The following DSCAML1 variants were observed in gnomAD, a reference collection of about 807,000 sequenced individuals.
DSCAML1 encodes the protein cell adhesion molecule DSCAML1.
In DSCAML1, 38 loss-of-function variants were observed where a neutral mutation model predicts 200.5. The observed-to-expected ratio is 0.19, with a 90% CI of 0.15 to 0.25. The LOEUF (loss-of-function observed/expected upper bound fraction) is 0.25, where lower values mean the gene tolerates loss of function less well. DSCAML1 is among the 10% of genes least tolerant of loss of function. The pLI is 1.00. For missense variants in DSCAML1, 2,223 were observed against 2,858.8 expected, an observed-to-expected ratio of 0.78 and a Z score of 5.07; for synonymous variants, 1,215 against 1,165.0, an observed-to-expected ratio of 1.04 and a Z score of -0.87.
intron 3 of DSCAML1, among the ~76,000 whole-genome samples, chr11:117,580,943 A>C (rs1294075945): frequency 6.6e-6 from 1 of 152,218 alleles, no homozygotes; most frequent in Non-Finnish European, 1.5e-5. Flanking sequence ...TTAAGCTCTG[A>C]GGATGGGACC....
At position 117,516,840 on chromosome 11, in the gene DSCAML1, C is replaced by A; in HGVS notation, c.1511-101G>T. The A allele has an allele frequency of 1.4e-6, 2 of 1,424,546 alleles. No homozygotes were observed. Among genetic ancestry groups the A allele is most frequent in the East Asian group, 2.4e-5 (1 of 42,298 alleles). 88.2% of individuals were successfully genotyped at this position (1,424,546 alleles called of 1,614,324 possible). Reference sequence around the variant, plus strand: ...CCCTGCGGTGCTCTTCTCAGGCACTCGGCCCCTGAGACTTTCGGGGGCGGA... The same window carrying A: ...CCCTGCGGTGCTCTTCTCAGGCACTAGGCCCCTGAGACTTTCGGGGGCGGA... On this transcript the variant is annotated intron_variant, in intron 7 of 32. Coordinates refer to ENST00000651296, the MANE Select transcript of DSCAML1 (RefSeq NM_020693.4). This position sits in a 1 kb window ranked among gnomAD's most constrained non-coding sequence, Gnocchi z 5.7.
At position 117,477,349 on chromosome 11, in the gene DSCAML1, AGTGTGTGTGTGT is replaced by A. The variant is rs5795087; in HGVS notation, c.2785+3082_2785+3093del. ...GATAGTGCTTTGTAATGGTTCTGAA[AGTGTGTGTGTGT>A]GTGTGTGTGTGTGTGTGTGTGTGTG... On this transcript the variant is annotated intron_variant, in intron 14 of 32. Transcript: ENST00000651296. Among the ~76,000 whole-genome samples, 835 of 140,176 alleles carry A rather than the reference AGTGTGTGTGTGT, an allele frequency of 6.0e-3. 7 individuals carry two copies. Among genetic ancestry groups the A allele is most frequent in the African/African-American group, 0.013 (484 of 37,658 alleles). The allele number at this position is 140,176 out of a possible 152,430, so 92.0% of individuals were successfully genotyped here.
At chr11:117,569,638 C>G (rs536069575) in intron 3 of DSCAML1, among the ~76,000 whole-genome samples, 108 of 152,344 alleles carry the variant, frequency 7.1e-4, no homozygotes, top group African/African-American at 2.3e-3. Context: ...GGTGGTGACA[C>G]TTGAACTGAG....
chr11:117,705,705 C>T (rs2053748074), intron 3 of DSCAML1, among the ~76,000 whole-genome samples: 1 of 152,172 alleles, frequency 6.6e-6, no homozygotes, highest in South Asian at 2.1e-4. Flanking sequence ...AAGATTTTCT[C>T]CTTACTGCCA....
intron 3 of DSCAML1, among the ~76,000 whole-genome samples, chr11:117,535,146 C>T (rs942902162): frequency 6.6e-6 from 1 of 152,182 alleles, no homozygotes; most frequent in Admixed American, 6.5e-5. Context: ...AACACCCAGC[C>T]TCAGCCTGCA....
intron 1 of DSCAML1, among the ~76,000 whole-genome samples, chr11:117,790,206 C>T (rs1000669371): frequency 3.3e-5 from 5 of 152,224 alleles, no homozygotes; most frequent in African/African-American, 1.2e-4. Flanking sequence ...GTGCCTACTG[C>T]TCTTCCCACA....
At chr11:117,694,684 A>T (rs928133503) in intron 3 of DSCAML1, among the ~76,000 whole-genome samples, 1 of 152,222 alleles carries the variant, frequency 6.6e-6, no homozygotes, top group Non-Finnish European at 1.5e-5. Flanking sequence ...ATGGTGTGCT[A>T]AGTGGCACGT....
chr11:117,448,407 C>A (rs1476827479), intron 20 of DSCAML1, among the ~76,000 whole-genome samples: 1 of 152,078 alleles, frequency 6.6e-6, no homozygotes, highest in Admixed American at 6.5e-5. Flanking sequence ...CTCTGGGGAC[C>A]CAAAGATGAA....
In DSCAML1 at chr11:117,465,177, G is replaced by C. The variant is rs766605751; in HGVS notation, c.3030C>G (p.Pro1010=). The change falls in exon 17 of 33, where the codon CCC becomes CCG. Residue 1010 remains proline, a synonymous_variant. Coordinates refer to ENST00000651296, the MANE Select transcript of DSCAML1 (RefSeq NM_020693.4). The stretch of plus-strand genomic sequence containing the variant: ...TGACACCGTTCTGCAGCTCCTTCTT[G>C]GGTGCCTGTGAGCATGGGGTGGGGG... The part of the protein sequence containing the change: ...SQSIQVTWKA[P]KKELQNGVIR... 7 of 1,613,460 alleles carry C rather than the reference G, an allele frequency of 4.3e-6. No homozygotes were observed. The highest frequency in any genetic ancestry group is 4.5e-5 in the East Asian group (2 of 44,874).
intron 4 of DSCAML1, among the ~76,000 whole-genome samples, chr11:117,531,163 G>A (rs7927897): frequency 3.5e-3 from 540 of 152,242 alleles, no homozygotes; most frequent in African/African-American, 0.012. Flanking sequence ...CTCGAGGAGC[G>A]CCTCTCTGTG....
chr11:117,672,114 A>C (rs1272547669), intron 3 of DSCAML1, among the ~76,000 whole-genome samples: 2 of 150,748 alleles, frequency 1.3e-5, no homozygotes, highest in Admixed American at 1.3e-4. Context: ...AAAAAAAAAA[A>C]AAAAAAAAAG....
intron 3 of DSCAML1, among the ~76,000 whole-genome samples, chr11:117,687,565 C>G (rs1055580339): frequency 1.3e-5 from 2 of 151,786 alleles, no homozygotes; most frequent in African/African-American, 4.8e-5. Context: ...CATGACTGGC[C>G]TAATCTGCAT....
chr11:117,431,161 A>T, intron 31 of DSCAML1, 128 bp from the exon 32 acceptor site: 1 of 921,426 alleles, frequency 1.1e-6, no homozygotes, highest in Non-Finnish European at 1.6e-6. Flanking sequence ...CCAGGCTGAG[A>T]AGATCCCGTG....
Position 117,489,852 on chromosome 11 carries a change from G to A in DSCAML1, c.2360-7690C>T, listed in dbSNP as rs1451146622. Among the ~76,000 whole-genome samples, 2 of 152,232 alleles carry A rather than the reference G, an allele frequency of 1.3e-5. No individual in the cohort carries two copies. The highest frequency in any genetic ancestry group is 2.9e-5 in the Non-Finnish European group (2 of 68,040). On this transcript the variant is annotated intron_variant, in intron 11 of 32. Coordinates refer to ENST00000651296, the MANE Select transcript of DSCAML1 (RefSeq NM_020693.4). This position sits in a 1 kb window ranked among gnomAD's most constrained non-coding sequence, Gnocchi z 4.8. Reference sequence around the variant, plus strand: ...TCCTTGCCTCCTTGTGTGTGACTGTGAGACTCTCCAGGGCAGAAGCATCTC... The same window carrying A: ...TCCTTGCCTCCTTGTGTGTGACTGTAAGACTCTCCAGGGCAGAAGCATCTC...
chr11:117,616,497 A>G lies in DSCAML1; in HGVS notation c.512-83975T>C, dbSNP rs57594365. Among the ~76,000 whole-genome samples, 801 of 152,332 alleles carry G rather than the reference A, an allele frequency of 5.3e-3. 4 individuals carry two copies. Among genetic ancestry groups the G allele is most frequent in the African/African-American group, 0.018 (744 of 41,580 alleles). On this transcript the variant is annotated intron_variant, in intron 3 of 32. Transcript: ENST00000651296. ...TGAATATAGCACAGTGTGTTTTTCT[A>G]CTGCTGGTGGACACTTGAGTTTGTT...
At chr11:117,653,419 C>A (rs1202915169) in intron 3 of DSCAML1, among the ~76,000 whole-genome samples, 1 of 152,178 alleles carries the variant, frequency 6.6e-6, no homozygotes, top group African/African-American at 2.4e-5. Context: ...AGCCTGGGGA[C>A]AGTGGTCCCA....
chr11:117,658,202 C>T (rs761866142), intron 3 of DSCAML1, among the ~76,000 whole-genome samples: 2 of 152,262 alleles, frequency 1.3e-5, no homozygotes, highest in Admixed American at 6.5e-5. Context: ...CAGGAGCCAC[C>T]GTGAGGTCCC....
At chr11:117,749,936 C>G (rs569634736) in intron 3 of DSCAML1, among the ~76,000 whole-genome samples, 1 of 152,350 alleles carries the variant, frequency 6.6e-6, no homozygotes, top group South Asian at 2.1e-4. Flanking sequence ...AGACTGTAAG[C>G]AGGGAACATG....
In DSCAML1 at chr11:117,573,887, G is replaced by C. The variant is rs2050888174; in HGVS notation, c.512-41365C>G. 1.3e-5 allele frequency among the ~76,000 whole-genome samples: 2 copies of C among 152,172 alleles called. 1 individual carries two copies. Among genetic ancestry groups the C allele is most frequent in the Admixed American group, 1.3e-4 (2 of 15,278 alleles). On this transcript the variant is annotated intron_variant, in intron 3 of 32. Coordinates refer to ENST00000651296, the MANE Select transcript of DSCAML1 (RefSeq NM_020693.4). ...TGGCACAGCTGAAGGAGAATGCCCA[G>C]CATCTGCCAGCTACTGCCTCCTCCC...
Sources: gnomAD v4.1 joint callset for allele counts (sites outside exome capture counted in the v4.1 genomes callset) on GRCh38, gnomAD v4.1.1 for gene constraint, Gnocchi (gnomAD v3.1) non-coding constraint, MANE v1.5 for transcripts, NCBI Gene and HGNC (gene_info 2026-07-23, HGNC 2026-07-21) for gene names.